RBBP8: variants seen among roughly 807,000 people sequenced by gnomAD.
RBBP8 encodes the protein DNA endonuclease RBBP8.
A neutral mutation model predicts 108.3 loss-of-function variants in RBBP8; 88 were observed. The ratio of observed to expected loss-of-function variants is 0.81; its 90% CI spans 0.68 to 0.97. The LOEUF (loss-of-function observed/expected upper bound fraction) is 0.97, where lower values mean the gene tolerates loss of function less well. Among genes scored for constraint, RBBP8 ranks in the 50% least tolerant of loss-of-function variants. The pLI is 0.00. For synonymous variants in RBBP8, 332 were observed against 348.2 expected (o/e 0.95, Z 0.52); for missense variants, 1,023 against 1,049.0 (o/e 0.98, Z 0.34).
In RBBP8 at chr18:23,019,112, C is replaced by T. The variant is rs893991808; in HGVS notation, c.2454+2188C>T. ...CAAGCAAAAGCCTATAATGTGAGTTCGTGAGTTTTCATTACACAAATTGAA... is the reference window on the plus strand; with the variant it reads ...CAAGCAAAAGCCTATAATGTGAGTTTGTGAGTTTTCATTACACAAATTGAA... On this transcript the variant is annotated intron_variant, in intron 17 of 18. Transcript: ENST00000327155. Among the ~76,000 whole-genome samples the T allele has an allele frequency of 7.2e-5, 11 of 152,096 alleles. 1 individual carries two copies. The highest frequency in any genetic ancestry group is 3.3e-4 in the Admixed American group (5 of 15,270).
chr18:22,956,792 T>G (rs1178030800), intron 4 of RBBP8, among the ~76,000 whole-genome samples: 2 of 152,216 alleles, frequency 1.3e-5, no homozygotes, highest in African/African-American at 2.4e-5. Flanking sequence ...TCTAATTTTA[T>G]GTGGCTCATT....
At chr18:23,022,309 T>G in intron 18 of RBBP8, 39 bp downstream of exon 18, 3 of 1,571,234 alleles carry the variant, frequency 1.9e-6, no homozygotes, top group Non-Finnish European at 1.7e-6. Context: ...ATTATTTTTT[T>G]TAAATACTTG....
chr18:23,006,321 A>G (rs1442733638), intron 15 of RBBP8, 42 bp from the exon 16 acceptor site: 17 of 1,528,302 alleles, frequency 1.1e-5, no homozygotes, highest in Non-Finnish European at 1.5e-5. Flanking sequence ...ATTTCTCATT[A>G]AGTTCTACAT....
intron 1 of RBBP8, chr18:22,933,815 C>T (rs1048718606): frequency 1.3e-5 from 2 of 152,204 alleles, no homozygotes; most frequent in Non-Finnish European, 2.9e-5. Context: ...CCGCCAAGCC[C>T]GCCCCGCGCA....
upstream of RBBP8, chr18:22,929,363 ATT>A (rs200340018): frequency 0.079 from 11,578 of 146,278 alleles, 732 homozygotes; most frequent in African/African-American, 0.17. Context: ...TGGATAACAG[ATT>A]TTTTTTTTTT....
intron 2 of RBBP8, 39 bp from the exon 3 acceptor site, chr18:22,946,405 A>C: frequency 6.2e-7 from 1 of 1,607,992 alleles, no homozygotes; most frequent in Non-Finnish European, 8.5e-7. Context: ...TCATAAAGGA[A>C]CTGTTGTAGA....
At chr18:23,012,609 C>A (rs1416291333) in intron 16 of RBBP8, among the ~76,000 whole-genome samples, 1 of 152,192 alleles carries the variant, frequency 6.6e-6, no homozygotes, top group African/African-American at 2.4e-5. Flanking sequence ...AAGTTTGAAA[C>A]TAGCAGAGGT....
chr18:22,994,011 G>GTTT (rs1555644186), intron 12 of RBBP8, among the ~76,000 whole-genome samples, 164 bp downstream of exon 12: 3 of 77,464 alleles, frequency 3.9e-5, no homozygotes, highest in East Asian at 4.3e-4. Flanking sequence ...TGATTTTTCT[G>GTTT]TTCTTTTTTT....
At chr18:22,950,444 A>G (rs1911936760) in intron 4 of RBBP8, among the ~76,000 whole-genome samples, 1 of 152,122 alleles carries the variant, frequency 6.6e-6, no homozygotes, top group Non-Finnish European at 1.5e-5. Flanking sequence ...AAAGCTGAGC[A>G]TGATGGCCTG....
intron 2 of RBBP8, among the ~76,000 whole-genome samples, chr18:22,916,675 T>C (rs1181622557): frequency 6.6e-6 from 1 of 152,174 alleles, no homozygotes; most frequent in Non-Finnish European, 1.5e-5. Context: ...GGGATTGCCA[T>C]TGATAACAAA....
At chr18:22,996,633 T>C (rs1465082706) in intron 13 of RBBP8, among the ~76,000 whole-genome samples, 171 bp downstream of exon 13, 1 of 152,244 alleles carries the variant, frequency 6.6e-6, no homozygotes, top group East Asian at 1.9e-4. Flanking sequence ...TCTAACTTTA[T>C]GGTATTTTTT....
chr18:22,984,608 A>AC (rs879705295), intron 7 of RBBP8, among the ~76,000 whole-genome samples: 1 of 152,148 alleles, frequency 6.6e-6, no homozygotes, highest in African/African-American at 2.4e-5. Context: ...GAGAAGTAAC[A>AC]CTAAAATGTT....
chr18:22,961,748 A>G (rs1301801323), intron 4 of RBBP8, among the ~76,000 whole-genome samples: 2 of 152,192 alleles, frequency 1.3e-5, no homozygotes, highest in East Asian at 3.8e-4. Context: ...AAGCCAAAAG[A>G]TTGGACACCC....
At chr18:22,993,975 A>G in intron 12 of RBBP8, 128 bp downstream of exon 12, 1 of 778,908 alleles carries the variant, frequency 1.3e-6, no homozygotes, top group Non-Finnish European at 2.0e-6. Flanking sequence ...GTCTGTATTT[A>G]TAGGACGATT....
intron 3 of RBBP8, 74 bp from the exon 4 acceptor site, chr18:22,949,544 C>T (rs1911848258): frequency 1.9e-6 from 2 of 1,078,258 alleles, no homozygotes; most frequent in South Asian, 1.3e-5. Flanking sequence ...GTTATATAAA[C>T]ACGGTGGAGC....
intron 4 of RBBP8, among the ~76,000 whole-genome samples, chr18:22,960,452 G>A (rs1420950676): frequency 1.3e-5 from 2 of 152,190 alleles, no homozygotes; most frequent in African/African-American, 4.8e-5. Flanking sequence ...CTGCTGAGGT[G>A]GGAGGATCAC....
At chr18:22,967,417 G>A (rs955382474) in intron 4 of RBBP8, among the ~76,000 whole-genome samples, 18 of 151,162 alleles carry the variant, frequency 1.2e-4, no homozygotes, top group Admixed American at 1.1e-3. Context: ...AATTCTTAAC[G>A]TGGGGTATGT....
intron 18 of RBBP8, among the ~76,000 whole-genome samples, chr18:23,022,668 T>TAAAATATAAAAA (rs1353697130): frequency 7.4e-6 from 1 of 136,030 alleles, no homozygotes; most frequent in Non-Finnish European, 1.6e-5. Context: ...TAAAATAAAA[T>TAAAATATAAAAA]AAATAACTGT....
intron 5 of RBBP8, among the ~76,000 whole-genome samples, chr18:22,971,667 A>T (rs1203327870): frequency 8.5e-6 from 1 of 117,218 alleles, no homozygotes; most frequent in African/African-American, 3.5e-5. Flanking sequence ...TTTTTTTGAG[A>T]CGGAGTCTCA....
Sources: gnomAD v4.1 joint callset for allele counts (sites outside exome capture counted in the v4.1 genomes callset) on GRCh38, gnomAD v4.1.1 for gene constraint, MANE v1.5 for transcripts, NCBI Gene and HGNC (gene_info 2026-07-23, HGNC 2026-07-21) for gene names.